SPATA31G1: variants seen among roughly 807,000 people sequenced by gnomAD.
SPATA31G1 encodes SPATA31 subfamily G member 1, also known as spermatogenesis-associated protein 31G1.
chr9:35,042,837 A>G, the SPATA31G1 span: 6 of 1,601,428 alleles, frequency 3.7e-6, no homozygotes, highest in Admixed American at 1.7e-5. Flanking sequence ...TTCATGCCTG[A>G]GAATATCTTT....
At chr9:35,045,042 C>T in the SPATA31G1 span, 1 of 1,614,170 alleles carries the variant, frequency 6.2e-7, no homozygotes, top group South Asian at 1.1e-5. Context: ...AGCCCCTGGC[C>T]CAAGTCAATC....
the SPATA31G1 span, chr9:35,045,809 A>G: frequency 1.9e-6 from 3 of 1,614,044 alleles, no homozygotes; most frequent in African/African-American, 4.0e-5. Context: ...GGGGTTTGCA[A>G]AAGGTGTTAG....
chr9:35,044,710 C>T, the SPATA31G1 span: 1 of 1,614,200 alleles, frequency 6.2e-7, no homozygotes, highest in Non-Finnish European at 8.5e-7. Context: ...CTCTCTACTC[C>T]TCTACCAGAG....
the SPATA31G1 span, chr9:35,041,939 T>C: frequency 3.9e-6 from 1 of 254,220 alleles, no homozygotes; most frequent in Non-Finnish European, 7.6e-6. Flanking sequence ...ATAAGAAAAA[T>C]GAGGCACTGA....
chr9:35,045,783 A>C, the SPATA31G1 span: 1 of 1,614,082 alleles, frequency 6.2e-7, no homozygotes, highest in South Asian at 1.1e-5. Flanking sequence ...CCCTACCCTC[A>C]AGGCTTCCCT....
chr9:35,044,905 C>T, the SPATA31G1 span: 5 of 1,614,104 alleles, frequency 3.1e-6, no homozygotes, highest in Non-Finnish European at 3.4e-6. Context: ...GGGGTTAAGG[C>T]AGAGGCCCCA....
the SPATA31G1 span, chr9:35,043,558 G>A: frequency 6.2e-7 from 1 of 1,614,058 alleles, no homozygotes; most frequent in Non-Finnish European, 8.5e-7. Flanking sequence ...CAGTCCCCTG[G>A]AACTAGCCCC....
At chr9:35,042,812 TG>T in the SPATA31G1 span, 1 of 1,576,948 alleles carries the variant, frequency 6.3e-7, no homozygotes, top group Non-Finnish European at 8.6e-7. Flanking sequence ...GCAAACCTTG[TG>T]TATCTGAAAA....
chr9:35,045,970 T>C, the SPATA31G1 span: 2,616 of 1,350,008 alleles, frequency 1.9e-3, 35 homozygotes, highest in African/African-American at 0.035. Context: ...TCTAATAAAC[T>C]AGCTGAATTA....
At chr9:35,045,113 CCCA>C in the SPATA31G1 span, 2 of 1,614,194 alleles carry the variant, frequency 1.2e-6, no homozygotes, top group Non-Finnish European at 1.7e-6. Flanking sequence ...TCCCTTCCTG[CCCA>C]CCACAGCAGA....
chr9:35,042,125 T>C, the SPATA31G1 span: 11 of 1,404,046 alleles, frequency 7.8e-6, no homozygotes, highest in Middle Eastern at 2.6e-4. Flanking sequence ...AATTGCCTGA[T>C]AGAGGAAATT....
the SPATA31G1 span, chr9:35,042,845 TTTA>T: frequency 6.2e-7 from 1 of 1,606,046 alleles, no homozygotes; most frequent in Admixed American, 1.7e-5. Flanking sequence ...TGAGAATATC[TTTA>T]TCTACTTCCC....
chr9:35,042,527 ACAC>A, the SPATA31G1 span: 5 of 1,613,278 alleles, frequency 3.1e-6, no homozygotes, highest in South Asian at 1.1e-5. Flanking sequence ...ATGACTGCTG[ACAC>A]CACATGTGAG....
At chr9:35,044,069 G>C in the SPATA31G1 span, 1 of 1,614,016 alleles carries the variant, frequency 6.2e-7, no homozygotes, top group Non-Finnish European at 8.5e-7. Context: ...TCCCTCTCCT[G>C]GAGTCTCTAG....
chr9:35,044,573 C>T, the SPATA31G1 span: 2 of 1,614,124 alleles, frequency 1.2e-6, no homozygotes, highest in East Asian at 2.2e-5. Context: ...CCAGCCCATC[C>T]TCAAACTCTG....
At chr9:35,044,000 A>G in the SPATA31G1 span, 15 of 1,613,092 alleles carry the variant, frequency 9.3e-6, no homozygotes, top group African/African-American at 2.0e-4. Flanking sequence ...AGGGCATGCA[A>G]AGTAGAGAAA....
chr9:35,043,823 C>T, the SPATA31G1 span: 2 of 1,614,158 alleles, frequency 1.2e-6, no homozygotes, highest in South Asian at 1.1e-5. Context: ...TGCCAGAACT[C>T]CAGAGAGAGA....
At chr9:35,042,134 T>A in the SPATA31G1 span, 1 of 1,398,512 alleles carries the variant, frequency 7.2e-7, no homozygotes, top group Non-Finnish European at 9.5e-7. Context: ...ATAGAGGAAA[T>A]TTTTTTTGGT....
At chr9:35,045,406 T>C in the SPATA31G1 span, 9 of 1,613,772 alleles carry the variant, frequency 5.6e-6, no homozygotes, top group African/African-American at 1.3e-5. Context: ...AACTCTAAGG[T>C]TCTGGTCTCA....
Sources: allele counts gnomAD v4.1 joint callset, GRCh38; gene constraint gnomAD v4.1.1; transcripts MANE v1.5; gene names NCBI Gene and HGNC (gene_info 2026-07-23, HGNC 2026-07-21).